SDC2: variants seen among roughly 807,000 people sequenced by gnomAD.
The protein encoded by SDC2 is syndecan-2.
SDC2 carries 13 observed loss-of-function variants against 22.2 expected under a neutral mutation model. That is an observed-to-expected ratio of 0.59 (90% confidence interval 0.38 to 0.93). SDC2 has a LOEUF of 0.93. Among genes scored for constraint, SDC2 ranks in the 40% least tolerant of loss-of-function variants. SDC2 has a pLI of 0.00. For missense variants in SDC2, 235 were observed against 246.8 expected (o/e 0.95, Z 0.32); for synonymous variants, 94 against 92.8 (o/e 1.01, Z -0.07).
At chr8:96,505,250 G>C (rs1441647452) in intron 1 of SDC2, among the ~76,000 whole-genome samples, 1 of 152,080 alleles carries the variant, frequency 6.6e-6, no homozygotes, top group Non-Finnish European at 1.5e-5. Context: ...GTAGTACTTG[G>C]ATTATAATTA....
chr8:96,583,097 C>T (rs1486851290), intron 1 of SDC2, among the ~76,000 whole-genome samples: 1 of 130,896 alleles, frequency 7.6e-6, no homozygotes, highest in Non-Finnish European at 1.6e-5. Context: ...TTACATACTT[C>T]CATAATATTT....
chr8:96,529,358 G>C (rs1382916310), intron 1 of SDC2: 1 of 152,078 alleles, frequency 6.6e-6, no homozygotes, highest in African/African-American at 2.4e-5. Flanking sequence ...ATTTTTATTT[G>C]CTTATTTATA....
At chr8:96,518,999 A>G (rs953854318) in intron 1 of SDC2, among the ~76,000 whole-genome samples, 1 of 152,154 alleles carries the variant, frequency 6.6e-6, no homozygotes, top group African/African-American at 2.4e-5. Context: ...TTTTCATCTA[A>G]AAACACACAT....
At chr8:96,592,115 G>GT (rs1244138196) in intron 1 of SDC2, among the ~76,000 whole-genome samples, 1 of 152,200 alleles carries the variant, frequency 6.6e-6, no homozygotes, top group Non-Finnish European at 1.5e-5. Flanking sequence ...AGTCCCTAAG[G>GT]TTTCAGTTCT....
intron 1 of SDC2, among the ~76,000 whole-genome samples, chr8:96,570,524 A>G (rs1344231360): frequency 6.6e-6 from 1 of 152,246 alleles, no homozygotes; most frequent in Non-Finnish European, 1.5e-5. Context: ...AGACTTACAA[A>G]GAAAAAAATA....
chr8:96,605,608 C>A (rs1022751057), intron 3 of SDC2, among the ~76,000 whole-genome samples: 1 of 152,198 alleles, frequency 6.6e-6, no homozygotes, highest in Non-Finnish European at 1.5e-5. Context: ...GCATATTGTG[C>A]ACCAGTGAAA....
chr8:96,495,341 G>A (rs963080867), intron 1 of SDC2, among the ~76,000 whole-genome samples: 1 of 152,348 alleles, frequency 6.6e-6, no homozygotes, highest in African/African-American at 2.4e-5. Context: ...GTCGCGCTTC[G>A]GGGGCTGGAG....
rs1209599937 is a variant in SDC2, at chr8:96,611,426, A to G, written c.*1878A>G. 1 of 152,644 alleles carries G rather than the reference A, an allele frequency of 6.6e-6. No homozygotes were observed. Among genetic ancestry groups the G allele is most frequent in the Non-Finnish European group, 1.5e-5 (1 of 68,030 alleles). 9.5% of individuals were successfully genotyped at this position (152,644 alleles called of 1,614,324 possible). On this transcript the variant is annotated 3_prime_UTR_variant, in exon 5 of 5. Coordinates refer to ENST00000302190, the MANE Select transcript of SDC2 (RefSeq NM_002998.4). The stretch of plus-strand genomic sequence containing the variant: ...GGAATTGCCACATAATTCATTAAAA[A>G]CATTTTTTTAAGCAACACTTGGAAC...
chr8:96,500,023 T>C (rs113892143), intron 1 of SDC2, among the ~76,000 whole-genome samples: 15 of 152,316 alleles, frequency 9.8e-5, no homozygotes, highest in African/African-American at 3.6e-4. Context: ...CGCTGGCCAC[T>C]GAAGGCATTA....
chr8:96,584,607 C>T (rs1289676464), intron 1 of SDC2, among the ~76,000 whole-genome samples: 2 of 152,188 alleles, frequency 1.3e-5, no homozygotes, highest in Admixed American at 1.3e-4. Context: ...AATGCTGACC[C>T]TCTCCAGCAC....
intron 1 of SDC2, among the ~76,000 whole-genome samples, chr8:96,532,847 G>A (rs546767664): frequency 1.3e-5 from 2 of 152,254 alleles, no homozygotes; most frequent in African/African-American, 4.8e-5. Context: ...CTAGCAAAGT[G>A]CCAGCAGCAT....
In SDC2 at chr8:96,610,602, C is replaced by T. The variant is rs1815159567; in HGVS notation, c.*1054C>T. On this transcript the variant is annotated 3_prime_UTR_variant, in exon 5 of 5. Coordinates refer to ENST00000302190, the MANE Select transcript of SDC2 (RefSeq NM_002998.4). ...ATAGACATAAATTGTAATTTGGGAA[C>T]ATAAAAACTACTGAATAAATCATGT... is the stretch of plus-strand genomic sequence containing the variant. 1 of 152,564 alleles carries T rather than the reference C, an allele frequency of 6.6e-6. No homozygotes were observed. The highest frequency in any genetic ancestry group is 1.5e-5 in the Non-Finnish European group (1 of 68,002). 9.5% of individuals were successfully genotyped at this position (152,564 alleles called of 1,614,324 possible).
intron 1 of SDC2, among the ~76,000 whole-genome samples, chr8:96,543,921 C>T (rs142808484): frequency 6.6e-6 from 1 of 152,106 alleles, no homozygotes; most frequent in African/African-American, 2.4e-5. Context: ...CTATTTATGT[C>T]ATTGGATCAG....
chr8:96,528,771 A>AG (rs1813617299), intron 1 of SDC2, among the ~76,000 whole-genome samples: 1 of 152,188 alleles, frequency 6.6e-6, no homozygotes, highest in African/African-American at 2.4e-5. Flanking sequence ...TGGCAGAGAG[A>AG]AAAACTGGAA....
At chr8:96,568,402 A>G (rs1039317108) in intron 1 of SDC2, among the ~76,000 whole-genome samples, 2 of 152,210 alleles carry the variant, frequency 1.3e-5, no homozygotes, top group Non-Finnish European at 1.5e-5. Flanking sequence ...AGACATACCA[A>G]TCGACTGTCA....
At chr8:96,606,403 G>A (rs1251462159) in intron 3 of SDC2, among the ~76,000 whole-genome samples, 1 of 152,208 alleles carries the variant, frequency 6.6e-6, no homozygotes, top group Admixed American at 6.5e-5. Context: ...CATCAGTGAT[G>A]CTGGCCGACA....
chr8:96,581,653 A>C (rs890335762), intron 1 of SDC2, among the ~76,000 whole-genome samples: 4 of 152,020 alleles, frequency 2.6e-5, no homozygotes, highest in African/African-American at 9.7e-5. Context: ...AAAAGGTAAA[A>C]GAGTACTATA....
At chr8:96,560,295 A>G (rs961922550) in intron 1 of SDC2, among the ~76,000 whole-genome samples, 51 of 152,214 alleles carry the variant, frequency 3.4e-4, no homozygotes, top group Middle Eastern at 3.2e-3. Flanking sequence ...TGCTAGTACT[A>G]TGACCTTGAG....
chr8:96,587,100 T>C (rs770567512), intron 1 of SDC2, among the ~76,000 whole-genome samples: 5 of 152,120 alleles, frequency 3.3e-5, no homozygotes, highest in Non-Finnish European at 7.3e-5. Flanking sequence ...TTTTTTGTAT[T>C]TTTAGTAGAG....
Sources: allele counts gnomAD v4.1 joint callset (sites outside exome capture counted in the v4.1 genomes callset), GRCh38; gene constraint gnomAD v4.1.1; transcripts MANE v1.5; gene names NCBI Gene and HGNC (gene_info 2026-07-23, HGNC 2026-07-21).